AVL9: variants seen among roughly 807,000 people sequenced by gnomAD.
AVL9 encodes AVL9 cell migration associated, also known as late secretory pathway protein AVL9 homolog.
In AVL9, 49 loss-of-function variants were observed where a neutral mutation model predicts 79.2. The observed-to-expected ratio is 0.62, with a 90% CI of 0.49 to 0.79. The LOEUF (loss-of-function observed/expected upper bound fraction) is 0.79. Among genes scored for constraint, AVL9 ranks in the 30% least tolerant of loss-of-function variants. The pLI is 0.00. For missense variants in AVL9, 682 were observed against 776.8 expected (o/e 0.88, Z 1.45); for synonymous variants, 299 against 280.6 (o/e 1.07, Z -0.65).
In AVL9 at chr7:32,579,306, ATATAT is replaced by A. The variant is rs1305754166; in HGVS notation, c.1689-907_1689-903del. Among the ~76,000 whole-genome samples, 607 of 64,484 alleles carry A rather than the reference ATATAT, an allele frequency of 9.4e-3. 4 individuals carry two copies. Among genetic ancestry groups the A allele is most frequent in the Non-Finnish European group, 0.013 (463 of 36,136 alleles). 42.3% of individuals were successfully genotyped at this position (64,484 alleles called of 152,430 possible). A position where few individuals can be genotyped will look rare whatever the true frequency, so the allele number is the denominator to read the frequency against. ...TATATATATATGTATTATATATATT[ATATAT>A]TATATATATTTTATATAATATATAT... On this transcript the variant is annotated intron_variant, in intron 13 of 15. Coordinates refer to ENST00000318709, the MANE Select transcript of AVL9 (RefSeq NM_015060.3).
At chr7:32,580,303 T>C in intron 14 of AVL9, 31 bp downstream of exon 14, 1 of 1,554,294 alleles carries the variant, frequency 6.4e-7, no homozygotes, top group Non-Finnish European at 8.8e-7. Flanking sequence ...CTGGGAAAAT[T>C]CTTAAGTCTG....
rs1554334928 is a variant in AVL9 at position 32,516,778 on chromosome 7, A to AT, written c.93+20976_93+20977insT. On this transcript the variant is annotated intron_variant, in intron 1 of 15. Transcript: ENST00000318709. Reference sequence around the variant, plus strand: ...AACCCTAGGCCTTTAAAAAAAAAAAAAAAAAGGTGGGAAACAATCTAAGAA... The same window carrying AT: ...AACCCTAGGCCTTTAAAAAAAAAAAATAAAAAGGTGGGAAACAATCTAAGAA... Among the ~76,000 whole-genome samples, 1,259 of 151,676 alleles carry AT rather than the reference A, an allele frequency of 8.3e-3. 21 individuals carry two copies. The highest frequency in any genetic ancestry group is 0.027 in the African/African-American group (1,134 of 41,308).
chr7:32,539,839 C>T (rs1789093695), intron 1 of AVL9, among the ~76,000 whole-genome samples: 1 of 152,164 alleles, frequency 6.6e-6, no homozygotes, highest in East Asian at 1.9e-4. Context: ...AGGTCTCCTG[C>T]ATTTCTTGTT....
intron 1 of AVL9, among the ~76,000 whole-genome samples, chr7:32,520,716 T>A (rs912667846): frequency 2.0e-5 from 3 of 152,210 alleles, no homozygotes; most frequent in Non-Finnish European, 2.9e-5. Context: ...GGGCACCTTT[T>A]ACATGGGTAC....
Position 32,513,586 on chromosome 7 carries a change from C to T in AVL9, c.93+17784C>T, listed in dbSNP as rs1032401024. Among the ~76,000 whole-genome samples the T allele has an allele frequency of 8.5e-5, 13 of 152,236 alleles. No individual in the cohort carries two copies. The South Asian group carries it at 2.7e-3, about 31-fold the overall frequency. ...CCTTCCAGATCAAACCAATGTAAATCTTAATGTATTGGTGGATGTATTGAA... is the reference window on the plus strand; with the variant it reads ...CCTTCCAGATCAAACCAATGTAAATTTTAATGTATTGGTGGATGTATTGAA... On this transcript the variant is annotated intron_variant, in intron 1 of 15. Coordinates refer to ENST00000318709, the MANE Select transcript of AVL9 (RefSeq NM_015060.3).
chr7:32,558,983 T>C lies in AVL9; in HGVS notation c.734T>C (p.Met245Thr), dbSNP rs773842165. The change falls in exon 10 of 16, where the codon ATG becomes ACG. Residue 245 changes from methionine to threonine, a missense_variant. By Grantham distance (81) the Met-to-Thr change is moderately conservative. Coordinates refer to ENST00000318709, the MANE Select transcript of AVL9 (RefSeq NM_015060.3). Reference sequence around the variant, plus strand: ...TCTCAGTATAGACCCCGGAAAAGTATGTCTGAAGATGGTGGGCTTCAGGAA... The same window carrying C: ...TCTCAGTATAGACCCCGGAAAAGTACGTCTGAAGATGGTGGGCTTCAGGAA... ...DCSQYRPRKS[M>T]SEDGGLQESN... The C allele has an allele frequency of 1.9e-6, 3 of 1,612,770 alleles. No individual in the cohort carries two copies. The highest frequency in any genetic ancestry group is 2.2e-5 in the East Asian group (1 of 44,880).
In AVL9 at chr7:32,583,782, C is replaced by T; in HGVS notation, c.1832-10C>T. 6 of 1,587,060 alleles carry T rather than the reference C, an allele frequency of 3.8e-6. No homozygotes were observed. The highest frequency in any genetic ancestry group is 5.2e-6 in the Non-Finnish European group (6 of 1,159,106). On this transcript the variant is annotated splice_polypyrimidine_tract_variant and intron_variant, in intron 15 of 15. Coordinates refer to ENST00000318709, the MANE Select transcript of AVL9 (RefSeq NM_015060.3). ...ACATTTTTCCTTTTGTTTTTCTCCT[C>T]TCCATCCAGGCCAGTCAGTTGGAGG...
At chr7:32,548,972 T>G in intron 4 of AVL9, 54 bp downstream of exon 4, 1 of 1,224,222 alleles carries the variant, frequency 8.2e-7, no homozygotes, top group Non-Finnish European at 1.1e-6. Flanking sequence ...CAGATCTTTC[T>G]TTAAGGATAA....
chr7:32,495,893 T>A, intron 1 of AVL9, 91 bp downstream of exon 1: 1 of 831,742 alleles, frequency 1.2e-6, no homozygotes, highest in Non-Finnish European at 1.6e-6. Context: ...TCAGCTCGCG[T>A]CGTGCAGTCC....
At chr7:32,580,125 T>C in intron 13 of AVL9, 94 bp from the exon 14 acceptor site, 1 of 985,490 alleles carries the variant, frequency 1.0e-6, no homozygotes. Context: ...AGCTGTGTTG[T>C]CCATGAGAAG....
intron 8 of AVL9, 152 bp from the exon 9 acceptor site, chr7:32,558,407 C>T (rs867232300): frequency 8.9e-5 from 47 of 527,178 alleles, no homozygotes; most frequent in African/African-American, 6.8e-4. Context: ...CCACCCACCC[C>T]GGCCTCCCAA....
Position 32,588,242 on chromosome 7 carries a change from T to C in AVL9, c.*4335T>C, listed in dbSNP as rs551399095. The C allele has an allele frequency of 2.6e-5, 4 of 152,348 alleles. No individual in the cohort carries two copies. The highest frequency in any genetic ancestry group is 2.1e-4 in the South Asian group (1 of 4,826). 9.4% of individuals were successfully genotyped at this position (152,348 alleles called of 1,614,324 possible). On this transcript the variant is annotated 3_prime_UTR_variant, in exon 16 of 16. Coordinates refer to ENST00000318709, the MANE Select transcript of AVL9 (RefSeq NM_015060.3). ...TTAGGTACTGAGCCAGAAAAGGTAA[T>C]TGAAGTTTTCAGAAAGCTTCTGTGC...
At position 32,587,486 on chromosome 7, in the gene AVL9, G is replaced by C. The variant is rs201972506; in HGVS notation, c.*3579G>C. ...TGGGAGCACTTCAGCTCTGTAAGGG[G>C]CCAGCGTTCTGACCTTTAACCACAT... is the stretch of plus-strand genomic sequence containing the variant. On this transcript the variant is annotated 3_prime_UTR_variant, in exon 16 of 16. Transcript: ENST00000318709. 2 of 152,246 alleles carry C rather than the reference G, an allele frequency of 1.3e-5. No individual in the cohort carries two copies. The highest frequency in any genetic ancestry group is 1.9e-4 in the East Asian group (1 of 5,206). The allele number at this position is 152,246 out of a possible 1,614,324, so 9.4% of individuals were successfully genotyped here. A position where few individuals can be genotyped will look rare whatever the true frequency, so the allele number is the denominator to read the frequency against.
intron 10 of AVL9, among the ~76,000 whole-genome samples, chr7:32,565,700 C>T (rs976561951): frequency 6.6e-6 from 1 of 151,888 alleles, no homozygotes; most frequent in Admixed American, 6.6e-5. Flanking sequence ...CTCAGCTCTA[C>T]TAAGTAAAGT....
At chr7:32,499,438 C>A (rs1349677382) in intron 1 of AVL9, among the ~76,000 whole-genome samples, 1 of 151,768 alleles carries the variant, frequency 6.6e-6, no homozygotes, top group Non-Finnish European at 1.5e-5. Flanking sequence ...AAAGTGATGT[C>A]ATAAAAAGTT....
chr7:32,543,903 T>C (rs1206067154), intron 2 of AVL9, among the ~76,000 whole-genome samples: 1 of 151,634 alleles, frequency 6.6e-6, no homozygotes, highest in Non-Finnish European at 1.5e-5. Context: ...TTTTCTTTCT[T>C]TCTTTCTTTC....
In AVL9 at chr7:32,559,030, T is replaced by G; in HGVS notation, c.781T>G (p.Phe261Val). ...GGAAAGTAACCCATGTGCAGATGATTTTGTTTCTGCATCCACTGCTGATGT... is the reference window on the plus strand; with the variant it reads ...GGAAAGTAACCCATGTGCAGATGATGTTGTTTCTGCATCCACTGCTGATGT... ...LQESNPCADD[F>V]VSASTADVSH... The change falls in exon 10 of 16, where the codon TTT becomes GTT. Residue 261 changes from phenylalanine (F) to valine (V), a missense_variant. By Grantham distance (50) the Phe-to-Val change is conservative. Coordinates refer to ENST00000318709, the MANE Select transcript of AVL9 (RefSeq NM_015060.3). 1 of 1,614,152 alleles carries G rather than the reference T, an allele frequency of 6.2e-7. No individual in the cohort carries two copies. The highest frequency in any genetic ancestry group is 1.1e-5 in the South Asian group (1 of 91,088).
chr7:32,536,180 G>A (rs1788897708), intron 1 of AVL9: 2 of 131,632 alleles, frequency 1.5e-5, no homozygotes, highest in Admixed American at 7.7e-5. Flanking sequence ...GGGCTGCCAT[G>A]TACAGCTATA....
intron 1 of AVL9, among the ~76,000 whole-genome samples, chr7:32,504,028 CTGACGGT>C (rs1458387696): frequency 1.3e-5 from 2 of 152,208 alleles, no homozygotes; most frequent in African/African-American, 4.8e-5. Context: ...GTGGCCTTCA[CTGACGGT>C]ATTAGGAATG....
Sources: gnomAD v4.1 joint callset for allele counts (sites outside exome capture counted in the v4.1 genomes callset) on GRCh38, gnomAD v4.1.1 for gene constraint, MANE v1.5 for transcripts, NCBI Gene and HGNC (gene_info 2026-07-23, HGNC 2026-07-21) for gene names.